YAE1: variants seen among roughly 807,000 people sequenced by gnomAD.
YAE1 encodes YAE1 maturation factor of ABCE1, also known as protein YAE1 homolog.
Under a neutral mutation model 23.0 loss-of-function variants are expected in YAE1, and 22 were observed. The observed-to-expected ratio is 0.96, with a 90% confidence interval of 0.68 to 1.37. The LOEUF is 1.37. Among genes scored for constraint, YAE1 ranks in the 40% most tolerant of loss-of-function variants. YAE1 has a pLI of 0.00. For synonymous variants in YAE1, 101 were observed against 97.0 expected (o/e 1.04, Z -0.24); for missense variants, 260 against 262.1 (o/e 0.99, Z 0.06).
chr7:39,610,050 G>A, exon 3 of YAE1: 1 of 1,462,738 alleles, frequency 6.8e-7, no homozygotes, highest in Non-Finnish European at 9.0e-7. Context: ...TCAGCACCCA[G>A]CACCCAGTGC....
intron 2 of YAE1, among the ~76,000 whole-genome samples, chr7:39,601,158 C>G (rs774247403): frequency 1.3e-5 from 2 of 152,188 alleles, no homozygotes; most frequent in Non-Finnish European, 2.9e-5. Context: ...TGGTTAGGCA[C>G]AATTCTAAAA....
Position 39,566,463 on chromosome 7 carries a change from C to T in YAE1, c.45C>T (p.Asp15=). ...QAASLIQGPG[D]KGDVFDEEAD... ...CCTCCTTGATCCAGGGCCCTGGAGA[C>T]AAAGGGGACGTGTTTGACGAAGAAG... Residue 15 remains aspartate (D), a synonymous_variant, in exon 1 of 3, where the codon GAC becomes GAT. Transcript: ENST00000223273. 2 of 1,614,174 alleles carry T rather than the reference C, an allele frequency of 1.2e-6. No individual in the cohort carries two copies. Among genetic ancestry groups the T allele is most frequent in the South Asian group, 1.1e-5 (1 of 91,090 alleles).
chr7:39,610,132 G>T (rs1791188955), exon 3 of YAE1: 1 of 903,750 alleles, frequency 1.1e-6, no homozygotes, highest in Non-Finnish European at 1.6e-6. Flanking sequence ...ATATGTACAC[G>T]TCTCTCAAAC....
At chr7:39,573,893 C>T (rs1470391639), downstream of YAE1, among the ~76,000 whole-genome samples, 1 of 152,208 alleles carries the variant, frequency 6.6e-6, no homozygotes, top group Non-Finnish European at 1.5e-5. Flanking sequence ...AAAAAAAGCT[C>T]TTCGATCTCT....
At chr7:39,568,511 A>C (rs1790512002) in intron 1 of YAE1, among the ~76,000 whole-genome samples, 2 of 152,164 alleles carry the variant, frequency 1.3e-5, no homozygotes, top group Admixed American at 1.3e-4. Context: ...AAAATTTTAA[A>C]AGACAATTTC....
intron 2 of YAE1, among the ~76,000 whole-genome samples, chr7:39,594,879 A>G (rs1790953735): frequency 6.6e-6 from 1 of 152,216 alleles, no homozygotes; most frequent in African/African-American, 2.4e-5. Context: ...TACAGGTGTC[A>G]GCCACCGTGC....
chr7:39,573,418 T>C (rs943589632), downstream of YAE1, among the ~76,000 whole-genome samples: 2 of 152,196 alleles, frequency 1.3e-5, no homozygotes, highest in Admixed American at 6.5e-5. Context: ...TATTTCATAT[T>C]CACATAGGAG....
intron 2 of YAE1, among the ~76,000 whole-genome samples, chr7:39,596,165 T>C (rs1266069802): frequency 6.6e-6 from 1 of 152,114 alleles, no homozygotes; most frequent in Non-Finnish European, 1.5e-5. Context: ...AATAAAATCT[T>C]ACCAGATTTG....
At chr7:39,578,048 T>C (rs977532572) in intron 2 of YAE1, among the ~76,000 whole-genome samples, 1 of 152,208 alleles carries the variant, frequency 6.6e-6, no homozygotes, top group Admixed American at 6.5e-5. Context: ...CAGTCAGCAC[T>C]TGGTGTCTAG....
At chr7:39,597,753 C>T (rs11983705) in intron 2 of YAE1, among the ~76,000 whole-genome samples, 2 of 151,860 alleles carry the variant, frequency 1.3e-5, no homozygotes, top group Non-Finnish European at 2.9e-5. Flanking sequence ...AGAACTTAAC[C>T]CCATCCTTTC....
At chr7:39,569,997 T>G (rs1014400749) in intron 1 of YAE1, 1 of 1,357,372 alleles carries the variant, frequency 7.4e-7, no homozygotes, top group African/African-American at 1.4e-5. Context: ...TCAGCAAAAC[T>G]TTCCCATTCC....
At chr7:39,604,556 G>A (rs967246011) in intron 2 of YAE1, among the ~76,000 whole-genome samples, 3 of 152,160 alleles carry the variant, frequency 2.0e-5, no homozygotes, top group Non-Finnish European at 4.4e-5. Context: ...GTGAAATATT[G>A]TGTATTTATC....
intron 2 of YAE1, among the ~76,000 whole-genome samples, chr7:39,589,071 C>A (rs1313397517): frequency 6.6e-6 from 1 of 152,142 alleles, no homozygotes; most frequent in Non-Finnish European, 1.5e-5. Context: ...ATCCACCTGC[C>A]TTGACCTCCC....
intron 2 of YAE1, among the ~76,000 whole-genome samples, chr7:39,597,408 A>T (rs1159456581): frequency 6.6e-6 from 1 of 151,904 alleles, no homozygotes; most frequent in Non-Finnish European, 1.5e-5. Flanking sequence ...CATCTCTATT[A>T]AAAAAAAATT....
At chr7:39,575,577 A>AGAGG (rs1173016799), downstream of YAE1, among the ~76,000 whole-genome samples, 1 of 80,208 alleles carries the variant, frequency 1.2e-5, no homozygotes, top group East Asian at 3.1e-4. Context: ...AGAGAGAGAG[A>AGAGG]GTGAGTGTGT....
chr7:39,610,883 C>T (rs972629838), downstream of YAE1, among the ~76,000 whole-genome samples: 5 of 152,194 alleles, frequency 3.3e-5, no homozygotes, highest in African/African-American at 1.2e-4. Context: ...TATGGTGGCT[C>T]ATGCCTGTAA....
chr7:39,601,497 C>T (rs905214643), intron 2 of YAE1, among the ~76,000 whole-genome samples: 1 of 152,100 alleles, frequency 6.6e-6, no homozygotes, highest in Non-Finnish European at 1.5e-5. Context: ...CGGTGGTTCA[C>T]GCCTGTAATC....
intron 2 of YAE1, among the ~76,000 whole-genome samples, chr7:39,590,949 T>C (rs897175892): frequency 6.6e-6 from 1 of 152,188 alleles, no homozygotes; most frequent in Non-Finnish European, 1.5e-5. Flanking sequence ...AACTGCAGAC[T>C]GGGTGGCTGG....
intron 2 of YAE1, among the ~76,000 whole-genome samples, chr7:39,594,507 T>A (rs1456986814): frequency 6.6e-6 from 1 of 152,194 alleles, no homozygotes; most frequent in African/African-American, 2.4e-5. Context: ...TCTCAATGCC[T>A]TCATTTTTTT....
Sources: allele counts gnomAD v4.1 joint callset (sites outside exome capture counted in the v4.1 genomes callset), GRCh38; gene constraint gnomAD v4.1.1; transcripts MANE v1.5; gene names NCBI Gene and HGNC (gene_info 2026-07-23, HGNC 2026-07-21).